ASB5: variants seen among roughly 807,000 people sequenced by gnomAD.
ASB5 encodes the protein ankyrin repeat and SOCS box containing 5.
A neutral mutation model predicts 42.1 loss-of-function variants in ASB5; 45 were observed. The ratio of observed to expected loss-of-function variants is 1.07; its 90% CI spans 0.84 to 1.37. ASB5 has a LOEUF of 1.37. Ranked by LOEUF, ASB5 falls within the 40% of genes most tolerant of loss-of-function variation. The pLI, the probability that ASB5 is intolerant of heterozygous loss-of-function variation, is 0.00. For missense variants in ASB5, 402 were observed against 399.8 expected, an observed-to-expected ratio of 1.01 and a Z score of -0.05; for synonymous variants, 147 against 150.6, an observed-to-expected ratio of 0.98 and a Z score of 0.18.
At chr4:176,231,520 A>G (rs922872039) in intron 1 of ASB5, among the ~76,000 whole-genome samples, 3 of 151,556 alleles carry the variant, frequency 2.0e-5, no homozygotes, top group Non-Finnish European at 2.9e-5. Context: ...AAACCATATT[A>G]TTGTTATAAA....
intron 1 of ASB5, chr4:176,237,563 GTCT>G (rs1561259376): frequency 1.0e-6 from 1 of 985,482 alleles, no homozygotes; most frequent in Non-Finnish European, 1.2e-6. Context: ...AACTTGAGAT[GTCT>G]TCAACATTGA....
intron 5 of ASB5, among the ~76,000 whole-genome samples, chr4:176,219,599 TA>T (rs1346281821): frequency 5.1e-5 from 6 of 118,082 alleles, no homozygotes; most frequent in African/African-American, 1.9e-4. Context: ...TATATATATA[TA>T]TATATATATA....
chr4:176,258,433 C>G (rs1347917123), intron 1 of ASB5, among the ~76,000 whole-genome samples: 1 of 152,152 alleles, frequency 6.6e-6, no homozygotes, highest in African/African-American at 2.4e-5. Flanking sequence ...CATTTGCTGA[C>G]TTTCTTCAAT....
Position 176,219,938 on chromosome 4 carries a change from T to C in ASB5, c.670+1217A>G, listed in dbSNP as rs1053211364. 5.3e-5 allele frequency among the ~76,000 whole-genome samples: 8 copies of C among 152,110 alleles called. No individual in the cohort carries two copies. In the East Asian group the frequency reaches 1.3e-3, roughly 26 times the overall value. ...AAGGCTCTAAAGCAGGGGTGTCCAA[T>C]CGTTTGGTTTCCCTTGGCCACACTG... On this transcript the variant is annotated intron_variant, in intron 5 of 6. Transcript: ENST00000296525.
intron 1 of ASB5, among the ~76,000 whole-genome samples, chr4:176,259,717 T>C (rs1024338402): frequency 6.6e-6 from 1 of 152,238 alleles, no homozygotes; most frequent in Non-Finnish European, 1.5e-5. Context: ...TTCATTTAAA[T>C]CACACTGCAC....
intron 5 of ASB5, among the ~76,000 whole-genome samples, chr4:176,217,764 T>G (rs758955653): frequency 1.3e-5 from 2 of 152,084 alleles, no homozygotes; most frequent in Non-Finnish European, 2.9e-5. Context: ...TGTTTAGTAC[T>G]GTTAAAAATA....
rs1178524450 is a variant in ASB5 at position 176,235,069 on chromosome 4, C to A, written c.197-9728G>T. Among the ~76,000 whole-genome samples, 3 of 152,146 alleles carry A rather than the reference C, an allele frequency of 2.0e-5. No homozygotes were observed. In the East Asian group the frequency reaches 5.8e-4, roughly 29 times the overall value. On this transcript the variant is annotated intron_variant, in intron 1 of 6. Coordinates refer to ENST00000296525, the MANE Select transcript of ASB5 (RefSeq NM_080874.4). ...TTAGGGTACAATATTCTTTTCAACCCTAGAACTCATAGGGCACTTGGTGGA... is the reference window on the plus strand; with the variant it reads ...TTAGGGTACAATATTCTTTTCAACCATAGAACTCATAGGGCACTTGGTGGA...
intron 1 of ASB5, among the ~76,000 whole-genome samples, chr4:176,230,671 C>T (rs1016793329): frequency 1.5e-4 from 23 of 152,058 alleles, no homozygotes; most frequent in Admixed American, 7.2e-4. Flanking sequence ...CTTCAAAATC[C>T]GAAATTTAGC....
intron 1 of ASB5, among the ~76,000 whole-genome samples, chr4:176,229,952 A>C (rs1008109810): frequency 1.3e-5 from 2 of 152,206 alleles, no homozygotes; most frequent in African/African-American, 2.4e-5. Context: ...AGAAGAAAAT[A>C]GAGAGCAGGA....
intron 1 of ASB5, among the ~76,000 whole-genome samples, chr4:176,257,284 A>G (rs1442756325): frequency 2.6e-5 from 4 of 152,208 alleles, no homozygotes; most frequent in African/African-American, 7.2e-5. Context: ...CTTTCAGAGC[A>G]ACCCAGGCTT....
chr4:176,221,339 C>CA (rs1753200215), intron 4 of ASB5, 50 bp from the exon 5 acceptor site: 1 of 1,604,644 alleles, frequency 6.2e-7, no homozygotes, highest in African/African-American at 1.3e-5. Flanking sequence ...CCACCCCACA[C>CA]ACCTCACCCC....
intron 1 of ASB5, among the ~76,000 whole-genome samples, chr4:176,264,621 A>T (rs1255603405): frequency 1.3e-5 from 2 of 152,218 alleles, no homozygotes; most frequent in African/African-American, 4.8e-5. Flanking sequence ...CAGTAGGGAT[A>T]GGTATGTAAC....
At position 176,230,543 on chromosome 4, in the gene ASB5, T is replaced by C. The variant is rs1270217624; in HGVS notation, c.197-5202A>G. Among the ~76,000 whole-genome samples, 3 of 152,338 alleles carry C rather than the reference T, an allele frequency of 2.0e-5. No individual in the cohort carries two copies. In the East Asian group the frequency reaches 5.8e-4, roughly 29 times the overall value. ...TATGTCCCTGTTATTTATTTTCTTG[T>C]AATCCCTTAGAAGAATTTATGTAAT... On this transcript the variant is annotated intron_variant, in intron 1 of 6. Transcript: ENST00000296525.
chr4:176,244,120 G>A, intron 1 of ASB5, among the ~76,000 whole-genome samples: 1 of 151,822 alleles, frequency 6.6e-6, no homozygotes, highest in East Asian at 1.9e-4. Context: ...ACTTTCTTTT[G>A]TTCTTTTAAA....
chr4:176,217,337 TACTA>T (rs1269350507), intron 5 of ASB5, among the ~76,000 whole-genome samples: 4 of 152,158 alleles, frequency 2.6e-5, no homozygotes, highest in Admixed American at 6.6e-5. Context: ...AAAGTAACCA[TACTA>T]ACTACTATTA....
upstream of ASB5, chr4:176,269,370 T>C (rs1229514731): frequency 3.0e-6 from 1 of 329,058 alleles, no homozygotes; most frequent in African/African-American, 2.1e-5. Flanking sequence ...ACACTCCACC[T>C]CTGTGCTCCA....
At chr4:176,224,221 A>T (rs374106754) in intron 2 of ASB5, among the ~76,000 whole-genome samples, 112 of 87,146 alleles carry the variant, frequency 1.3e-3, no homozygotes, top group African/African-American at 1.9e-3. Flanking sequence ...TGTGCATTTG[A>T]TTTTTTTTTT....
At chr4:176,263,430 A>G (rs1020814718) in intron 1 of ASB5, among the ~76,000 whole-genome samples, 1 of 152,162 alleles carries the variant, frequency 6.6e-6, no homozygotes, top group Non-Finnish European at 1.5e-5. Flanking sequence ...CAGGATTATA[A>G]TGGTTTCTTC....
rs1002128362 is a variant in ASB5 at position 176,269,170 on chromosome 4, C to T, written c.-62G>A. 76 of 1,487,460 alleles carry T rather than the reference C, an allele frequency of 5.1e-5. No homozygotes were observed. The highest frequency in any genetic ancestry group is 6.6e-5 in the Non-Finnish European group (72 of 1,089,840). The allele number at this position is 1,487,460 out of a possible 1,614,324, so 92.1% of individuals were successfully genotyped here. ...CCAAGTCTCAAATGTGCCTGGCTCT[C>T]GTCCGGGATGCTCCTGAACAGCTGG... On this transcript the variant is annotated 5_prime_UTR_variant, in exon 1 of 7. Transcript: ENST00000296525.
Sources: allele counts gnomAD v4.1 joint callset (sites outside exome capture counted in the v4.1 genomes callset), GRCh38; gene constraint gnomAD v4.1.1; transcripts MANE v1.5; gene names NCBI Gene and HGNC (gene_info 2026-07-23, HGNC 2026-07-21).